Variants in STK3 observed in about 807,000 individuals in gnomAD.
The protein encoded by STK3 is serine/threonine kinase 3.
A neutral mutation model predicts 58.0 loss-of-function variants in STK3; 41 were observed. That is an observed-to-expected ratio of 0.71 (90% CI 0.55 to 0.92). STK3 has a LOEUF of 0.92. Among genes scored for constraint, STK3 ranks in the 40% least tolerant of loss-of-function variants. The pLI, the probability that STK3 is intolerant of heterozygous loss-of-function variation, is 0.00. For missense variants in STK3, 479 were observed against 602.7 expected, an observed-to-expected ratio of 0.79 and a Z score of 2.15; for synonymous variants, 170 against 191.0, an observed-to-expected ratio of 0.89 and a Z score of 0.91.
At chr8:98,808,831 T>C (rs1300253170) in intron 1 of STK3, among the ~76,000 whole-genome samples, 1 of 152,172 alleles carries the variant, frequency 6.6e-6, no homozygotes, top group African/African-American at 2.4e-5. Context: ...GGTAGGCCCC[T>C]ACAAAGCTGC....
chr8:98,905,109 T>C (rs1368917487), intron 1 of STK3: 4 of 1,437,732 alleles, frequency 2.8e-6, no homozygotes, highest in Non-Finnish European at 3.9e-6. Context: ...CTCAGTAAAG[T>C]CTGCCACACG....
the STK3 span, among the ~76,000 whole-genome samples, chr8:98,347,175 A>G: frequency 6.6e-6 from 1 of 151,900 alleles, no homozygotes; most frequent in Non-Finnish European, 1.5e-5. Context: ...ACAAAGAGTT[A>G]TAGCTAATAA....
At chr8:98,749,459 C>T in intron 3 of STK3, 69 bp from the exon 4 acceptor site, 1 of 816,402 alleles carries the variant, frequency 1.2e-6, no homozygotes, top group South Asian at 2.1e-5. Context: ...AATCCCAATA[C>T]AAAGTATTTT....
chr8:98,367,948 C>T (rs1817579618), downstream of STK3, among the ~76,000 whole-genome samples: 1 of 152,240 alleles, frequency 6.6e-6, no homozygotes, highest in Admixed American at 6.5e-5. Context: ...GATTGTATTT[C>T]AGAAGCAGTG....
chr8:98,868,976 C>CA (rs1280289213), intron 3 of STK3, among the ~76,000 whole-genome samples: 2 of 111,912 alleles, frequency 1.8e-5, no homozygotes, highest in Non-Finnish European at 3.5e-5. Flanking sequence ...GACCTTGACT[C>CA]AAAAAAAAGA....
chr8:98,370,208 T>C (rs1026862197), downstream of STK3, among the ~76,000 whole-genome samples: 7 of 151,664 alleles, frequency 4.6e-5, no homozygotes, highest in African/African-American at 1.5e-4. Context: ...CTCCCAGGTC[T>C]TTAATGTTTG....
intron 1 of STK3, among the ~76,000 whole-genome samples, chr8:98,447,055 T>C (rs912183376): frequency 6.6e-6 from 1 of 151,942 alleles, no homozygotes; most frequent in Admixed American, 6.6e-5. Context: ...CATGGACACA[T>C]AGAGGCGAAC....
chr8:98,849,777 TG>T (rs1277250806), intron 3 of STK3, among the ~76,000 whole-genome samples: 6 of 150,410 alleles, frequency 4.0e-5, no homozygotes, highest in Non-Finnish European at 8.9e-5. Context: ...TCCTTGGAGG[TG>T]GGGGTGGGGA....
chr8:98,873,419 G>A (rs1837453782), intron 3 of STK3, among the ~76,000 whole-genome samples: 1 of 152,162 alleles, frequency 6.6e-6, no homozygotes, highest in Non-Finnish European at 1.5e-5. Flanking sequence ...TTGTTGATCT[G>A]TCTAATGTTG....
intron 3 of STK3, among the ~76,000 whole-genome samples, chr8:98,865,463 C>T (rs1404451288): frequency 6.6e-6 from 1 of 152,034 alleles, no homozygotes; most frequent in Admixed American, 6.5e-5. Context: ...ACCTCCTGGG[C>T]TTAAGCAATC....
chr8:98,358,995 C>A, the STK3 span, among the ~76,000 whole-genome samples: 1 of 152,122 alleles, frequency 6.6e-6, no homozygotes, highest in South Asian at 2.1e-4. Flanking sequence ...CTCCCAGAAG[C>A]AAATCAAGAG....
chr8:98,501,250 T>C (rs1220528890), intron 10 of STK3, among the ~76,000 whole-genome samples: 1 of 151,954 alleles, frequency 6.6e-6, no homozygotes, highest in Non-Finnish European at 1.5e-5. Context: ...CACTTTTTGA[T>C]GGTTTTTTTT....
chr8:98,932,282 T>G (rs1840029376), intron 1 of STK3, among the ~76,000 whole-genome samples: 2 of 152,238 alleles, frequency 1.3e-5, no homozygotes, highest in Non-Finnish European at 2.9e-5. Flanking sequence ...CTTACTGTTT[T>G]CTAAGATTTA....
intron 1 of STK3, among the ~76,000 whole-genome samples, chr8:98,795,334 T>C (rs1473446260): frequency 1.2e-5 from 1 of 81,754 alleles, no homozygotes; most frequent in Non-Finnish European, 2.4e-5. Context: ...CATCCCTTCA[T>C]GATAAAAAAA....
At chr8:98,763,903 G>A (rs146747737) in intron 3 of STK3, among the ~76,000 whole-genome samples, 1 of 152,176 alleles carries the variant, frequency 6.6e-6, no homozygotes, top group African/African-American at 2.4e-5. Context: ...TTGAACTCCT[G>A]ACCTCAGATG....
At chr8:98,817,953 C>T (rs1395386641) in intron 1 of STK3, among the ~76,000 whole-genome samples, 2 of 152,156 alleles carry the variant, frequency 1.3e-5, no homozygotes, top group Admixed American at 6.5e-5. Flanking sequence ...TTTCCATGGC[C>T]GGCATCATTG....
At chr8:98,378,187 T>C (rs574084127) in intron 2 of STK3, among the ~76,000 whole-genome samples, 73 of 152,210 alleles carry the variant, frequency 4.8e-4, no homozygotes, top group Non-Finnish European at 8.8e-4. Context: ...ACCGAGGAAC[T>C]GACCCCACAG....
chr8:98,624,405 G>T (rs188875507), intron 6 of STK3, among the ~76,000 whole-genome samples: 20 of 152,260 alleles, frequency 1.3e-4, no homozygotes, highest in Admixed American at 6.5e-5. Context: ...TCCTTTTAGA[G>T]TTGTTTTAGA....
chr8:98,448,666 T>G (rs1224502337), intron 1 of STK3, among the ~76,000 whole-genome samples: 1 of 152,160 alleles, frequency 6.6e-6, no homozygotes, highest in Non-Finnish European at 1.5e-5. Flanking sequence ...ACTAGTTGCT[T>G]GGTTTAAACA....
Sources: allele counts gnomAD v4.1 joint callset (sites outside exome capture counted in the v4.1 genomes callset), GRCh38; gene constraint gnomAD v4.1.1; transcripts MANE v1.5; gene names NCBI Gene and HGNC (gene_info 2026-07-23, HGNC 2026-07-21).